The following WDPCP variants were observed in gnomAD, a reference collection of about 807,000 sequenced individuals.
The protein encoded by WDPCP is WD repeat-containing and planar cell polarity effector protein fritz homolog.
WDPCP carries 71 observed loss-of-function variants against 93.1 expected under a neutral mutation model. That is an observed-to-expected ratio of 0.76 (90% CI 0.63 to 0.93). The LOEUF (loss-of-function observed/expected upper bound fraction) is 0.93, where lower values mean the gene tolerates loss of function less well. Among genes scored for constraint, WDPCP ranks in the 40% least tolerant of loss-of-function variants. The pLI is 0.00. For missense variants in WDPCP, 844 were observed against 887.4 expected, an observed-to-expected ratio of 0.95 and a Z score of 0.62; for synonymous variants, 315 against 315.0, an observed-to-expected ratio of 1.00 and a Z score of 0.00.
intron 2 of WDPCP, among the ~76,000 whole-genome samples, chr2:63,682,275 A>G (rs1223611244): frequency 2.6e-5 from 4 of 152,252 alleles, no homozygotes; most frequent in Admixed American, 1.3e-4. Context: ...GGGAAACTCA[A>G]AGAAATTCAA....
chr2:63,809,045 G>C (rs991794389), intron 2 of WDPCP, among the ~76,000 whole-genome samples: 8 of 151,952 alleles, frequency 5.3e-5, no homozygotes, highest in African/African-American at 1.7e-4. Flanking sequence ...CCCCGTCTGG[G>C]AGGTGAGGAG....
intron 13 of WDPCP, among the ~76,000 whole-genome samples, chr2:63,280,363 A>G (rs1683436939): frequency 6.6e-6 from 1 of 152,210 alleles, no homozygotes; most frequent in Non-Finnish European, 1.5e-5. Context: ...TGTGAGACTT[A>G]TTCACTATCA....
intron 12 of WDPCP, among the ~76,000 whole-genome samples, chr2:63,327,981 G>A (rs138388806): frequency 5.9e-5 from 9 of 152,234 alleles, no homozygotes; most frequent in Admixed American, 3.3e-4. Flanking sequence ...GCCCCTATCC[G>A]GCAGGAAATA....
In WDPCP at chr2:63,588,161, T is replaced by G. The variant is rs565030771; in HGVS notation, c.75+36A>C. The G allele has an allele frequency of 6.4e-6, 10 of 1,551,608 alleles. No homozygotes were observed. The African/African-American group carries it at 8.2e-5, about 13-fold the overall frequency. On this transcript the variant is annotated intron_variant, in intron 1 of 17. Coordinates refer to ENST00000272321, the MANE Select transcript of WDPCP (RefSeq NM_015910.7). ...CCAACCGCATTCCGGATCCTAAGGT[T>G]AAAAGAAAACCCCTTGCCCTCGGGC...
chr2:63,369,285 T>C (rs1344445419), intron 12 of WDPCP: 1 of 397,434 alleles, frequency 2.5e-6, no homozygotes. Flanking sequence ...GTATGTCTTT[T>C]AATCCTTGCC....
intron 12 of WDPCP, among the ~76,000 whole-genome samples, chr2:63,373,676 T>C (rs1426405821): frequency 6.6e-6 from 1 of 152,080 alleles, no homozygotes; most frequent in Non-Finnish European, 1.5e-5. Context: ...GTGTGTTTTC[T>C]ATTTTCCATC....
chr2:63,642,770 G>T (rs1306140570), intron 3 of WDPCP: 1 of 152,050 alleles, frequency 6.6e-6, no homozygotes, highest in African/African-American at 2.4e-5. Context: ...TTCAAACAAT[G>T]ATAATTTTAC....
intron 13 of WDPCP, among the ~76,000 whole-genome samples, chr2:63,305,653 C>T (rs747353107): frequency 1.1e-4 from 17 of 152,166 alleles, no homozygotes; most frequent in South Asian, 6.2e-4. Flanking sequence ...GCTTCTCCTC[C>T]AAAGGATCAC....
At chr2:63,309,944 C>A (rs186683661) in intron 13 of WDPCP, among the ~76,000 whole-genome samples, 49 of 152,178 alleles carry the variant, frequency 3.2e-4, no homozygotes, top group African/African-American at 1.1e-3. Flanking sequence ...AACTAGGCTG[C>A]CTTGATTCAA....
chr2:63,475,586 G>A (rs983324405), intron 6 of WDPCP, among the ~76,000 whole-genome samples: 3 of 151,848 alleles, frequency 2.0e-5, no homozygotes, highest in African/African-American at 7.3e-5. Flanking sequence ...TGGGTTTCTT[G>A]TTGAGCCTCA....
chr2:63,614,657 G>A (rs754105167), intron 3 of WDPCP, among the ~76,000 whole-genome samples: 1 of 152,094 alleles, frequency 6.6e-6, no homozygotes, highest in Non-Finnish European at 1.5e-5. Flanking sequence ...GTGACTCATA[G>A]CAATTAAAAC....
At chr2:63,324,747 C>A (rs1211405015) in intron 12 of WDPCP, among the ~76,000 whole-genome samples, 1 of 152,104 alleles carries the variant, frequency 6.6e-6, no homozygotes, top group Non-Finnish European at 1.5e-5. Context: ...GCAAGCTGTC[C>A]CCAGTATGGA....
intron 1 of WDPCP, among the ~76,000 whole-genome samples, chr2:63,552,785 A>C (rs1035717102): frequency 6.6e-6 from 1 of 152,246 alleles, no homozygotes; most frequent in Non-Finnish European, 1.5e-5. Context: ...GATTAGAAAC[A>C]GCTTCTTGGA....
intron 2 of WDPCP, among the ~76,000 whole-genome samples, chr2:63,764,925 T>TA (rs1670115271): frequency 6.6e-6 from 1 of 152,100 alleles, no homozygotes; most frequent in Non-Finnish European, 1.5e-5. Flanking sequence ...ACATGGTAAA[T>TA]AAAAAATTGA....
intron 2 of WDPCP, among the ~76,000 whole-genome samples, chr2:63,803,055 T>C (rs1489499547): frequency 6.6e-6 from 1 of 152,206 alleles, no homozygotes; most frequent in Non-Finnish European, 1.5e-5. Flanking sequence ...AAGCTATATA[T>C]GGAGTAACAC....
intron 2 of WDPCP, among the ~76,000 whole-genome samples, chr2:63,655,617 C>A (rs1265140851): frequency 6.6e-6 from 1 of 152,134 alleles, no homozygotes; most frequent in Non-Finnish European, 1.5e-5. Flanking sequence ...TCTGTCTGTT[C>A]ACACACCTCA....
At chr2:63,219,252 T>G (rs1459034551) in intron 14 of WDPCP, among the ~76,000 whole-genome samples, 1 of 152,272 alleles carries the variant, frequency 6.6e-6, no homozygotes, top group Non-Finnish European at 1.5e-5. Context: ...TATGCTACTC[T>G]GAATGACAGT....
chr2:63,778,990 T>C (rs908399475), intron 2 of WDPCP, among the ~76,000 whole-genome samples: 2 of 152,194 alleles, frequency 1.3e-5, no homozygotes, highest in Non-Finnish European at 2.9e-5. Context: ...TACATCCCTC[T>C]CTCTCCCAAT....
intron 2 of WDPCP, among the ~76,000 whole-genome samples, chr2:63,685,971 C>T (rs570160040): frequency 4.6e-5 from 7 of 152,056 alleles, no homozygotes; most frequent in Non-Finnish European, 8.8e-5. Flanking sequence ...ACAATAAAAG[C>T]CATATGTGAC....
Sources: gnomAD v4.1 joint callset for allele counts (sites outside exome capture counted in the v4.1 genomes callset) on GRCh38, gnomAD v4.1.1 for gene constraint, MANE v1.5 for transcripts, NCBI Gene and HGNC (gene_info 2026-07-23, HGNC 2026-07-21) for gene names.